PCDH15: variants seen among roughly 807,000 people sequenced by gnomAD.
PCDH15 encodes protocadherin-15.
PCDH15 carries 129 observed loss-of-function variants against 178.5 expected under a neutral mutation model. The observed-to-expected ratio is 0.72, with a 90% CI of 0.63 to 0.84. PCDH15 has a LOEUF of 0.84. Among genes scored for constraint, PCDH15 ranks in the 40% least tolerant of loss-of-function variants. The pLI, the probability that PCDH15 is intolerant of heterozygous loss-of-function variation, is 0.00. For synonymous variants in PCDH15, 800 were observed against 732.0 expected, an observed-to-expected ratio of 1.09 and a Z score of -1.50; for missense variants, 2,230 against 2,099.9, an observed-to-expected ratio of 1.06 and a Z score of -1.21.
At chr10:54,444,565 T>C (rs1288165646) in intron 3 of PCDH15, among the ~76,000 whole-genome samples, 2 of 151,750 alleles carry the variant, frequency 1.3e-5, no homozygotes, top group African/African-American at 4.8e-5. Flanking sequence ...ATCTGAATAA[T>C]TTCATACAGT....
chr10:53,992,052 G>A (rs1458456273), intron 21 of PCDH15, among the ~76,000 whole-genome samples: 1 of 152,146 alleles, frequency 6.6e-6, no homozygotes, highest in African/African-American at 2.4e-5. Context: ...GCCTTTATGA[G>A]CTGTAACACT....
At chr10:55,150,752 T>A (rs78083297) in intron 2 of PCDH15, among the ~76,000 whole-genome samples, 2,952 of 152,204 alleles carry the variant, frequency 0.019, 172 homozygotes, top group Admixed American at 0.12. Context: ...AAAATGTTAA[T>A]CATCATTGGA....
intron 1 of PCDH15, among the ~76,000 whole-genome samples, chr10:54,718,586 A>G (rs1260197999): frequency 6.6e-6 from 1 of 152,108 alleles, no homozygotes; most frequent in Non-Finnish European, 1.5e-5. Context: ...TTCAAAAAAT[A>G]AGGAGAGATA....
chr10:55,292,774 C>T (rs1186963364), intron 1 of PCDH15, among the ~76,000 whole-genome samples: 1 of 152,226 alleles, frequency 6.6e-6, no homozygotes, highest in Non-Finnish European at 1.5e-5. Context: ...CTCCCATGGC[C>T]TTGGGCAGTT....
chr10:55,319,360 A>T (rs747672810), intron 1 of PCDH15, among the ~76,000 whole-genome samples: 1 of 152,224 alleles, frequency 6.6e-6, no homozygotes, highest in Non-Finnish European at 1.5e-5. Flanking sequence ...AAATGGAACA[A>T]GGAGAAAACA....
intron 2 of PCDH15, among the ~76,000 whole-genome samples, chr10:55,611,211 A>G (rs1000183021): frequency 6.6e-6 from 1 of 152,152 alleles, no homozygotes; most frequent in African/African-American, 2.4e-5. Context: ...AACAATTAAC[A>G]GAGTGAAGAG....
chr10:54,969,049 A>C (rs939285224), intron 2 of PCDH15, among the ~76,000 whole-genome samples: 2 of 151,684 alleles, frequency 1.3e-5, no homozygotes, highest in Middle Eastern at 3.4e-3. Context: ...TATTAATTCT[A>C]TCATATCTGT....
At chr10:54,293,693 T>C (rs1300403253) in intron 8 of PCDH15, among the ~76,000 whole-genome samples, 1 of 152,210 alleles carries the variant, frequency 6.6e-6, no homozygotes, top group Non-Finnish European at 1.5e-5. Flanking sequence ...AAGACATTTA[T>C]GCAGCCAACA....
At chr10:55,626,195 C>G (rs190262241) in intron 2 of PCDH15, among the ~76,000 whole-genome samples, 114 of 150,768 alleles carry the variant, frequency 7.6e-4, no homozygotes, top group Admixed American at 4.5e-3. Context: ...AATAAAAAAG[C>G]AAGCAAGCAC....
chr10:54,998,001 T>G (rs922927081), intron 2 of PCDH15, among the ~76,000 whole-genome samples: 1 of 152,158 alleles, frequency 6.6e-6, no homozygotes, highest in Non-Finnish European at 1.5e-5. Flanking sequence ...AAGTTCAGGA[T>G]TTCTTGCTTC....
intron 2 of PCDH15, among the ~76,000 whole-genome samples, chr10:55,060,172 T>C (rs1922159): frequency 0.13 from 19,996 of 152,022 alleles, 1,935 homozygotes; most frequent in East Asian, 0.48. Context: ...TTTTCAATTT[T>C]CTCACCTATT....
chr10:54,162,706 C>T (rs2045835549), intron 13 of PCDH15, among the ~76,000 whole-genome samples: 1 of 152,126 alleles, frequency 6.6e-6, no homozygotes. Context: ...TTAATGTCTC[C>T]TTATGACATG....
intron 1 of PCDH15, among the ~76,000 whole-genome samples, chr10:54,796,921 A>C (rs1344077427): frequency 8.5e-5 from 13 of 152,062 alleles, no homozygotes; most frequent in Non-Finnish European, 5.9e-5. Flanking sequence ...GCAAAAAGAA[A>C]AGTCACTGTC....
intron 2 of PCDH15, among the ~76,000 whole-genome samples, chr10:55,387,464 A>T (rs1208700444): frequency 6.6e-6 from 1 of 152,144 alleles, no homozygotes; most frequent in Non-Finnish European, 1.5e-5. Context: ...ATAAGCGAAC[A>T]CATTAATAAC....
Position 55,166,289 on chromosome 10 carries a change from T to A in PCDH15, c.-80+287A>T, listed in dbSNP as rs749113804. On this transcript the variant is annotated intron_variant, in intron 2 of 5. Coordinates refer to the PCDH15 transcript ENST00000458638. Reference sequence around the variant, plus strand: ...GAAACAATCAATGAAGAATAATAAATCTAAACTGGGTAGAAGGTTTGCTTG... The same window carrying A: ...GAAACAATCAATGAAGAATAATAAAACTAAACTGGGTAGAAGGTTTGCTTG... 3.0e-4 allele frequency among the ~76,000 whole-genome samples: 46 copies of A among 152,112 alleles called. 2 individuals carry two copies. Among genetic ancestry groups the A allele is most frequent in the Admixed American group, 1.8e-3 (28 of 15,252 alleles).
intron 1 of PCDH15, among the ~76,000 whole-genome samples, chr10:54,673,635 T>C (rs2094721273): frequency 6.6e-6 from 1 of 152,004 alleles, no homozygotes; most frequent in African/African-American, 2.4e-5. Flanking sequence ...ACAGGGTTTC[T>C]CCGTGTTGGT....
chr10:54,979,925 A>G (rs1839187667), intron 2 of PCDH15, among the ~76,000 whole-genome samples: 1 of 152,160 alleles, frequency 6.6e-6, no homozygotes, highest in Non-Finnish European at 1.5e-5. Flanking sequence ...AAAATTGTAG[A>G]ATTGCAGAGT....
chr10:55,141,351 T>C (rs1197638121), intron 2 of PCDH15, among the ~76,000 whole-genome samples: 1 of 152,046 alleles, frequency 6.6e-6, no homozygotes, highest in Non-Finnish European at 1.5e-5. Flanking sequence ...AGAACTGGGT[T>C]AGAGTCAAAT....
rs530262449 is a variant in PCDH15, at chr10:54,719,047, C to G, written c.-28-54757G>C. 2.3e-3 allele frequency among the ~76,000 whole-genome samples: 341 copies of G among 150,992 alleles called. 1 individual carries two copies. Among genetic ancestry groups the G allele is most frequent in the African/African-American group, 8.1e-3 (332 of 41,070 alleles). ...AACTAAATGAAATCTTTGAAATACC[C>G]CATGAAAAATTAAAAATATTGATTT... is the stretch of plus-strand genomic sequence containing the variant. On this transcript the variant is annotated intron_variant, in intron 1 of 37. Coordinates refer to ENST00000644397, the MANE Select transcript of PCDH15 (RefSeq NM_001384140.1).
Sources: allele counts gnomAD v4.1 joint callset (sites outside exome capture counted in the v4.1 genomes callset), GRCh38; gene constraint gnomAD v4.1.1; transcripts MANE v1.5; gene names NCBI Gene and HGNC (gene_info 2026-07-23, HGNC 2026-07-21).